Variants in DMD observed in about 807,000 individuals in gnomAD.
DMD encodes dystrophin, also known as mutant dystrophin.
A neutral mutation model predicts 330.1 loss-of-function variants in DMD; 63 were observed. That is an observed-to-expected ratio of 0.19 (90% confidence interval 0.16 to 0.24). The LOEUF is 0.24. DMD is among the 10% of genes least tolerant of loss of function. DMD has a pLI of 1.00. For missense variants in DMD, 3,344 were observed against 2,684.1 expected (o/e 1.25, Z -5.43); for synonymous variants, 1,223 against 959.8 (o/e 1.27, Z -5.07).
intron 11 of DMD, among the ~76,000 whole-genome samples, chrX:32,620,279 TCA>T (rs2057893594): frequency 8.9e-6 from 1 of 111,995 alleles, no homozygotes; most frequent in Non-Finnish European, 1.9e-5. Flanking sequence ...TACATACCAC[TCA>T]CACTCTTCAT....
At chrX:32,658,312 T>C (rs2060719801) in intron 9 of DMD, among the ~76,000 whole-genome samples, 1 of 111,290 alleles carries the variant, frequency 9.0e-6, no homozygotes. Context: ...AAAATCTTAT[T>C]CTTCCTGTTA....
At chrX:32,757,932 TC>T (rs1204821374) in intron 7 of DMD, among the ~76,000 whole-genome samples, 1 of 111,529 alleles carries the variant, frequency 9.0e-6, no homozygotes, top group Non-Finnish European at 1.9e-5. Flanking sequence ...CCCTTTCACT[TC>T]CTAGCTCTAG....
At chrX:32,268,091 A>T (rs1478373242) in intron 43 of DMD, among the ~76,000 whole-genome samples, 1 of 111,644 alleles carries the variant, frequency 9.0e-6, no homozygotes, top group Non-Finnish European at 1.9e-5. Context: ...CAGAAAAGTA[A>T]CACAAATACG....
intron 25 of DMD, among the ~76,000 whole-genome samples, chrX:32,455,862 C>T (rs184532649): frequency 9.0e-6 from 1 of 111,130 alleles, no homozygotes; most frequent in African/African-American, 3.3e-5. Flanking sequence ...TATTTAAAGC[C>T]TCACGCATTT....
At chrX:31,730,206 CCT>C (rs1286872585) in intron 51 of DMD, among the ~76,000 whole-genome samples, 5 of 111,609 alleles carry the variant, frequency 4.5e-5, no homozygotes, top group Non-Finnish European at 7.5e-5. Context: ...TCATTGTACC[CCT>C]GAGATTTCTC....
chrX:33,199,811 G>A (rs2051163412), intron 1 of DMD, among the ~76,000 whole-genome samples: 1 of 111,155 alleles, frequency 9.0e-6, no homozygotes, highest in Non-Finnish European at 1.9e-5. Flanking sequence ...AGAGGACAGT[G>A]CACAGATCTT....
At chrX:33,115,875 C>G (rs1431934979) in intron 1 of DMD, among the ~76,000 whole-genome samples, 1 of 109,911 alleles carries the variant, frequency 9.1e-6, no homozygotes, top group East Asian at 3.0e-4. Context: ...ATTTGATGCT[C>G]AATGTTTTAT....
At chrX:33,010,153 C>T (rs759515228) in intron 2 of DMD, among the ~76,000 whole-genome samples, 1 of 98,913 alleles carries the variant, frequency 1.0e-5, no homozygotes, top group South Asian at 4.4e-4. Flanking sequence ...TGTATATATA[C>T]ATGTGTGTAT....
At chrX:32,828,192 G>A (rs923898529) in intron 4 of DMD, among the ~76,000 whole-genome samples, 3 of 111,545 alleles carry the variant, frequency 2.7e-5, no homozygotes, top group African/African-American at 9.8e-5. Context: ...ACATATATGT[G>A]CATGTGTCTT....
intron 6 of DMD, among the ~76,000 whole-genome samples, chrX:32,811,569 C>A (rs761058984): frequency 5.4e-5 from 6 of 111,638 alleles, no homozygotes; most frequent in East Asian, 2.8e-4. Flanking sequence ...AAAGGCTCAA[C>A]AAATATTTAT....
At chrX:32,676,995 T>C (rs910953289) in intron 9 of DMD, among the ~76,000 whole-genome samples, 1 of 111,846 alleles carries the variant, frequency 8.9e-6, no homozygotes, top group Non-Finnish European at 1.9e-5. Flanking sequence ...TATTGACATT[T>C]AAAAATATAT....
chrX:32,619,079 C>A (rs754787000), intron 11 of DMD, among the ~76,000 whole-genome samples: 1 of 110,962 alleles, frequency 9.0e-6, no homozygotes, highest in Non-Finnish European at 1.9e-5. Flanking sequence ...AACATATGAA[C>A]GGATAAAGAA....
chrX:32,336,995 T>A (rs756720818), intron 41 of DMD, among the ~76,000 whole-genome samples: 1 of 111,225 alleles, frequency 9.0e-6, no homozygotes, highest in South Asian at 3.7e-4. Context: ...CCTGATATGA[T>A]CTCATTAACT....
At chrX:32,596,862 A>T (rs2055612142) in intron 12 of DMD, among the ~76,000 whole-genome samples, 2 of 111,009 alleles carry the variant, frequency 1.8e-5, no homozygotes, top group African/African-American at 6.6e-5. Flanking sequence ...ACTACTTTTT[A>T]GCTCCTTTAC....
At chrX:33,013,649 G>A (rs1037378497) in intron 2 of DMD, among the ~76,000 whole-genome samples, 5 of 112,358 alleles carry the variant, frequency 4.5e-5, no homozygotes, top group Non-Finnish European at 9.4e-5. Context: ...ATATAAATGT[G>A]TTAGCTATAT....
chrX:32,732,960 A>T (rs1411703431), intron 7 of DMD, among the ~76,000 whole-genome samples: 3 of 111,457 alleles, frequency 2.7e-5, no homozygotes, highest in Non-Finnish European at 3.8e-5. Context: ...TAAAAGACAC[A>T]GACTGGCAAC....
intron 52 of DMD, among the ~76,000 whole-genome samples, chrX:31,682,122 A>G (rs755444236): frequency 8.9e-6 from 1 of 111,986 alleles, no homozygotes; most frequent in East Asian, 2.8e-4. Flanking sequence ...ATATTTTGTA[A>G]ATAAGCATCA....
At chrX:32,568,945 T>C (rs2052077063) in intron 15 of DMD, among the ~76,000 whole-genome samples, 3 of 112,376 alleles carry the variant, frequency 2.7e-5, no homozygotes, top group South Asian at 7.4e-4. Context: ...ATAAAATATG[T>C]ATTTCTACAT....
intron 1 of DMD, among the ~76,000 whole-genome samples, chrX:33,267,869 A>G (rs1377580479): frequency 2.7e-5 from 3 of 111,973 alleles, no homozygotes; most frequent in Non-Finnish European, 5.6e-5. Flanking sequence ...ATGAAACTTG[A>G]TCCCTACCTT....
Sources: gnomAD v4.1 joint callset for allele counts (sites outside exome capture counted in the v4.1 genomes callset) on GRCh38, gnomAD v4.1.1 for gene constraint, MANE v1.5 for transcripts, NCBI Gene and HGNC (gene_info 2026-07-23, HGNC 2026-07-21) for gene names.